NPTN: variants seen among roughly 807,000 people sequenced by gnomAD.
NPTN encodes neuroplastin.
In NPTN, 5 loss-of-function variants were observed where a neutral mutation model predicts 42.7. The observed-to-expected ratio is 0.12, with a 90% confidence interval of 0.06 to 0.25. The LOEUF (loss-of-function observed/expected upper bound fraction) is 0.25, where lower values mean the gene tolerates loss of function less well. NPTN is among the 10% of genes least tolerant of loss of function. The pLI, the probability that NPTN is intolerant of heterozygous loss-of-function variation, is 1.00. For synonymous variants in NPTN, 180 were observed against 201.9 expected (o/e 0.89, Z 0.92); for missense variants, 307 against 525.4 (o/e 0.58, Z 4.06).
rs547164757 is a variant in NPTN at position 73,616,696 on chromosome 15, G to A, written c.91+16429C>T. Among the ~76,000 whole-genome samples, 20 of 152,242 alleles carry A rather than the reference G, an allele frequency of 1.3e-4. No individual in the cohort carries two copies. The South Asian group carries it at 4.1e-3, about 32-fold the overall frequency. ...TACCTCGTAACTACATGATTAAGTA[G>A]AATTTTCACCTCTGCAGTGAGGTAG... On this transcript the variant is annotated intron_variant, in intron 1 of 8. Transcript: ENST00000345330.
intron 4 of NPTN, among the ~76,000 whole-genome samples, chr15:73,581,788 A>G (rs1246872155): frequency 6.6e-6 from 1 of 152,174 alleles, no homozygotes; most frequent in Admixed American, 6.5e-5. Context: ...GACTTAAGAA[A>G]GTGATCAAGA....
Position 73,573,628 on chromosome 15 carries a change from A to C in NPTN, c.840+34T>G, listed in dbSNP as rs372580449. On this transcript the variant is annotated intron_variant, in intron 5 of 8. Transcript: ENST00000345330. ...TCTGGACCTCTGCAGGGAAAACTCC[A>C]GCAACCAGAGACCCGGGCCTGCCTC... The C allele has an allele frequency of 4.3e-5, 66 of 1,531,890 alleles. No homozygotes were observed. The African/African-American group carries it at 9.0e-4, about 21-fold the overall frequency. 94.9% of individuals were successfully genotyped at this position (1,531,890 alleles called of 1,614,324 possible). A position where few individuals can be genotyped will look rare whatever the true frequency, so the allele number is the denominator to read the frequency against.
chr15:73,612,747 C>T (rs1238034516), intron 1 of NPTN, among the ~76,000 whole-genome samples: 1 of 151,976 alleles, frequency 6.6e-6, no homozygotes, highest in Non-Finnish European at 1.5e-5. Context: ...CCAGCCTGGG[C>T]GACAGAGCCA....
chr15:73,599,353 C>T (rs1896972717), intron 1 of NPTN: 1 of 153,508 alleles, frequency 6.5e-6, no homozygotes, highest in Non-Finnish European at 1.4e-5. Flanking sequence ...TGATGGTTCA[C>T]ACCTGTAATT....
chr15:73,573,830 G>C, intron 4 of NPTN, 35 bp from the exon 5 acceptor site: 1 of 1,603,390 alleles, frequency 6.2e-7, no homozygotes, highest in Non-Finnish European at 8.5e-7. Context: ...TACCACGGAA[G>C]TCTACTCCAA....
intron 4 of NPTN, among the ~76,000 whole-genome samples, chr15:73,574,474 A>T (rs540651111): frequency 6.6e-6 from 1 of 152,308 alleles, no homozygotes; most frequent in South Asian, 2.1e-4. Context: ...AGGCTGGAGC[A>T]TAGTGGCATG....
chr15:73,584,710 AAACGT>A (rs969607204), intron 4 of NPTN, among the ~76,000 whole-genome samples: 11 of 151,516 alleles, frequency 7.3e-5, no homozygotes, highest in Non-Finnish European at 1.6e-4. Context: ...AATACCTGAG[AAACGT>A]AACCCTCAAC....
At chr15:73,611,196 A>G (rs1897559419) in intron 1 of NPTN, among the ~76,000 whole-genome samples, 1 of 152,228 alleles carries the variant, frequency 6.6e-6, no homozygotes, top group Non-Finnish European at 1.5e-5. Context: ...ATTATTGTTC[A>G]TTCAGGAAGA....
intron 1 of NPTN, among the ~76,000 whole-genome samples, chr15:73,615,157 T>C (rs1242575116): frequency 2.0e-5 from 2 of 99,366 alleles, no homozygotes; most frequent in Non-Finnish European, 3.9e-5. Flanking sequence ...CTTAACAATC[T>C]TTTTTTTTTT....
intron 3 of NPTN, among the ~76,000 whole-genome samples, chr15:73,589,428 G>A (rs939389446): frequency 4.6e-5 from 7 of 152,098 alleles, no homozygotes; most frequent in Admixed American, 3.3e-4. Context: ...TCTTGCCCCC[G>A]AGGGTCAACT....
intron 4 of NPTN, among the ~76,000 whole-genome samples, chr15:73,587,137 G>C (rs1483072235): frequency 1.3e-5 from 2 of 152,168 alleles, no homozygotes; most frequent in African/African-American, 4.8e-5. Context: ...ACTGATCTAA[G>C]AGCTTTACAA....
Position 73,570,034 on chromosome 15 carries a change from T to C in NPTN, c.1114+116A>G. 1.0e-6 allele frequency: 1 copy of C among 999,404 alleles called. No individual in the cohort carries two copies. Among genetic ancestry groups the C allele is most frequent in the Non-Finnish European group, 1.4e-6 (1 of 728,988 alleles). 61.9% of individuals were successfully genotyped at this position (999,404 alleles called of 1,614,324 possible). ...GGGTTAGGAACTGGTATAAGAATTT[T>C]CCTTCTTTCCTTTAGGGATTGAATC... is the stretch of plus-strand genomic sequence containing the variant. On this transcript the variant is annotated intron_variant, in intron 6 of 8. Transcript: ENST00000345330. The surrounding 1 kb of genome is among the most constrained non-coding windows in gnomAD (Gnocchi z 4.0).
intron 1 of NPTN, among the ~76,000 whole-genome samples, chr15:73,603,601 T>G (rs1046958849): frequency 1.3e-5 from 2 of 152,194 alleles, no homozygotes; most frequent in Non-Finnish European, 2.9e-5. Context: ...AAATCTAAGA[T>G]ATTATGAATA....
Position 73,592,016 on chromosome 15 carries a change from A to G in NPTN, c.561T>C (p.Asn187=). 1.2e-6 allele frequency: 2 copies of G among 1,614,076 alleles called. No individual in the cohort carries two copies. Among genetic ancestry groups the G allele is most frequent in the Non-Finnish European group, 1.7e-6 (2 of 1,179,954 alleles). Residue 187 remains asparagine (N), a synonymous_variant, in exon 3 of 9, where the codon AAT becomes AAC. Coordinates refer to ENST00000345330, the MANE Select transcript of NPTN (RefSeq NM_012428.4). ...HTLTYSYWTK[N]GVELSATRKN... ...TACGAGTGGCACTCAGTTCCACCCC[A>G]TTCTTTGTCCAGTAGCTGTATGTAA...
intron 7 of NPTN, 32 bp from the exon 8 acceptor site, chr15:73,562,002 AACTC>A (rs755457710): frequency 5.4e-6 from 8 of 1,485,374 alleles, no homozygotes; most frequent in Non-Finnish European, 1.9e-6. Flanking sequence ...ACATGAGTTA[AACTC>A]AGTCAATAAC....
intron 1 of NPTN, among the ~76,000 whole-genome samples, chr15:73,611,973 ACT>A (rs1897605232): frequency 6.6e-6 from 1 of 152,136 alleles, no homozygotes; most frequent in Non-Finnish European, 1.5e-5. Flanking sequence ...ATAATCATGT[ACT>A]GAGGTTTATT....
Position 73,597,102 on chromosome 15 carries a change from T to C in NPTN, c.359A>G (p.Asn120Ser). Residue 120 changes from asparagine to serine, a missense_variant, in exon 2 of 9, where the codon AAC (asparagine) becomes AGC (serine). By Grantham distance (46) the Asn-to-Ser change is conservative. Coordinates refer to ENST00000345330, the MANE Select transcript of NPTN (RefSeq NM_012428.4). This position sits in a 1 kb window ranked among gnomAD's most constrained non-coding sequence, Gnocchi z 6.3. ...DSGTYECRASNDPKRNDLRQN... is the reference protein window; with the variant it reads ...DSGTYECRASSDPKRNDLRQN... ...CCTCAAGTCATTCCTCTTGGGGTCG[T>C]TGCTGGCCCTGCACTCGTAAGTCCC... The C allele has an allele frequency of 6.2e-7, 1 of 1,614,152 alleles. No individual in the cohort carries two copies. Among genetic ancestry groups the C allele is most frequent in the Non-Finnish European group, 8.5e-7 (1 of 1,180,006 alleles).
chr15:73,568,922 T>TC, intron 6 of NPTN: 1 of 985,496 alleles, frequency 1.0e-6, no homozygotes, highest in African/African-American at 1.7e-5. Flanking sequence ...AAACATGTCC[T>TC]CCCAGAGAGT....
rs539745819 is a variant in NPTN, at chr15:73,629,703, C to T, written c.91+3422G>A. Among the ~76,000 whole-genome samples, 5 of 152,222 alleles carry T rather than the reference C, an allele frequency of 3.3e-5. No homozygotes were observed. In the South Asian group the frequency reaches 1.0e-3, roughly 32 times the overall value. On this transcript the variant is annotated intron_variant, in intron 1 of 8. Transcript: ENST00000345330. Reference sequence around the variant, plus strand: ...GAATATATTACGTTTTTACACACCACTCCACATTCATTAATTCAGCTAACA... The same window carrying T: ...GAATATATTACGTTTTTACACACCATTCCACATTCATTAATTCAGCTAACA...
Sources: gnomAD v4.1 joint callset for allele counts (sites outside exome capture counted in the v4.1 genomes callset) on GRCh38, gnomAD v4.1.1 for gene constraint, Gnocchi (gnomAD v3.1) non-coding constraint, MANE v1.5 for transcripts, NCBI Gene and HGNC (gene_info 2026-07-23, HGNC 2026-07-21) for gene names.